The following CMKLR2 variants were observed in gnomAD, a reference collection of about 807,000 sequenced individuals.
CMKLR2 encodes chemerin chemokine-like receptor 2, also known as chemerin-like receptor 2.
A neutral mutation model predicts 23.0 loss-of-function variants in CMKLR2; 18 were observed. The ratio of observed to expected loss-of-function variants is 0.78; its 90% CI spans 0.54 to 1.16. CMKLR2 has a LOEUF of 1.16. Ranked by LOEUF, CMKLR2 falls within the 50% of genes most tolerant of loss-of-function variation. CMKLR2 has a pLI of 0.00. For synonymous variants in CMKLR2, 158 were observed against 158.9 expected (o/e 0.99, Z 0.05); for missense variants, 401 against 412.7 (o/e 0.97, Z 0.25).
At chr2:206,197,470 A>G (rs1688958465) in intron 1 of CMKLR2, among the ~76,000 whole-genome samples, 1 of 152,196 alleles carries the variant, frequency 6.6e-6, no homozygotes, top group Non-Finnish European at 1.5e-5. Flanking sequence ...AAGAAAATTA[A>G]ACAGGGAAAG....
At chr2:206,187,608 T>C (rs1321151989) in intron 1 of CMKLR2, among the ~76,000 whole-genome samples, 1 of 152,212 alleles carries the variant, frequency 6.6e-6, no homozygotes, top group East Asian at 1.9e-4. Flanking sequence ...GTATAATCAA[T>C]CATGTTGTGT....
intron 1 of CMKLR2, among the ~76,000 whole-genome samples, chr2:206,202,884 G>A (rs1218040756): frequency 2.0e-5 from 3 of 151,912 alleles, no homozygotes; most frequent in Non-Finnish European, 2.9e-5. Context: ...CCACTCCAGC[G>A]CGTTTCCTTT....
upstream of CMKLR2, chr2:206,217,788 G>C (rs902637175): frequency 6.6e-6 from 1 of 152,192 alleles, no homozygotes; most frequent in East Asian, 1.9e-4. Flanking sequence ...TGAAGCTTTG[G>C]GGGGCAAAGC....
intron 1 of CMKLR2, among the ~76,000 whole-genome samples, chr2:206,187,299 A>T (rs1280202885): frequency 3.9e-5 from 6 of 152,216 alleles, no homozygotes; most frequent in Non-Finnish European, 4.4e-5. Context: ...AATAAAATAA[A>T]AAAAAGAATG....
chr2:206,213,116 A>C (rs934420894), intron 1 of CMKLR2, among the ~76,000 whole-genome samples, 191 bp downstream of exon 1: 3 of 152,222 alleles, frequency 2.0e-5, no homozygotes, highest in African/African-American at 7.2e-5. Context: ...GATCGTCCCT[A>C]AACACTTTTG....
At chr2:206,180,061 C>T (rs894644121) in intron 1 of CMKLR2, among the ~76,000 whole-genome samples, 10 of 151,998 alleles carry the variant, frequency 6.6e-5, no homozygotes, top group African/African-American at 2.4e-4. Context: ...ATTCAAATGC[C>T]ACCTTTCTTA....
rs772384045 is a variant in CMKLR2, at chr2:206,177,231, T to G, written c.17A>C (p.Glu6Ala). Residue 6 changes from glutamate to alanine, a missense_variant, in exon 2 of 2, where the codon GAA becomes GCA. Physicochemically the swap from Glu to Ala is moderately radical, Grantham distance 107 (BLOSUM62 -1). Transcript: ENST00000621141. Reference sequence around the variant, plus strand: ...GTTTTCAAATTCTTCAAATAATGTTTCCTCCAAATCTTCCATGACCTTGCT... The same window carrying G: ...GTTTTCAAATTCTTCAAATAATGTTGCCTCCAAATCTTCCATGACCTTGCT... MEDLEETLFEEFENYS... is the reference protein window; with the variant it reads MEDLEATLFEEFENYS... 6.3e-7 allele frequency: 1 copy of G among 1,598,600 alleles called. No homozygotes were observed. Among genetic ancestry groups the G allele is most frequent in the South Asian group, 1.1e-5 (1 of 88,966 alleles).
chr2:206,201,242 A>C (rs1357729136), intron 1 of CMKLR2, among the ~76,000 whole-genome samples: 15 of 152,172 alleles, frequency 9.9e-5, no homozygotes, highest in Admixed American at 9.8e-4. Flanking sequence ...CCTGGTCAGC[A>C]TTCACTTGTT....
intron 1 of CMKLR2, among the ~76,000 whole-genome samples, chr2:206,194,319 T>C (rs903336287): frequency 6.6e-6 from 1 of 152,122 alleles, no homozygotes; most frequent in African/African-American, 2.4e-5. Context: ...TAGGAGGAGA[T>C]ACAAAGGAGT....
rs1688213923 is a variant in CMKLR2 at position 206,176,416 on chromosome 2, A to T, written c.832T>A (p.Ser278Thr). 6.2e-7 allele frequency: 1 copy of T among 1,614,076 alleles called. No homozygotes were observed. Among genetic ancestry groups the T allele is most frequent in the African/African-American group, 1.3e-5 (1 of 74,926 alleles). The change falls in exon 2 of 2, where the codon TCC (serine) becomes ACC (threonine). Residue 278 changes from serine (S) to threonine (T), a missense_variant. By Grantham distance (58) the Ser-to-Thr change is moderately conservative (BLOSUM62 1). Coordinates refer to ENST00000621141, the MANE Select transcript of CMKLR2 (RefSeq NM_001389445.1). ...ATTCCAGCCTGCATCACATGGTGGG[A>T]ATAGCTATTGTGGTGAATGGTGAGC... ...WELTIHHNSY[S>T]HHVMQAGIPL...
chr2:206,187,061 T>C lies in CMKLR2; in HGVS notation c.-28-9786A>G, dbSNP rs143868056. The stretch of plus-strand genomic sequence containing the variant: ...ATACATTTTTTTCCAAAAAAGAGAA[T>C]GAAGGCCAGGCCCAGTAGCTCATGC... On this transcript the variant is annotated intron_variant, in intron 1 of 1. Transcript: ENST00000621141. 6.0e-3 allele frequency among the ~76,000 whole-genome samples: 911 copies of C among 152,136 alleles called. 7 individuals are homozygous for C. The highest frequency in any genetic ancestry group is 0.011 in the Non-Finnish European group (733 of 68,006).
At chr2:206,185,365 T>C (rs551984493) in intron 1 of CMKLR2, among the ~76,000 whole-genome samples, 19 of 152,176 alleles carry the variant, frequency 1.2e-4, no homozygotes, top group Admixed American at 1.0e-3. Flanking sequence ...GGTGAGGGAA[T>C]TAGTCGTGGA....
chr2:206,203,613 G>C (rs1480328541), intron 1 of CMKLR2: 1 of 152,288 alleles, frequency 6.6e-6, no homozygotes, highest in Non-Finnish European at 1.5e-5. Flanking sequence ...CACAGACCTT[G>C]TCCCGTGCAT....
Position 206,175,909 on chromosome 2 carries a change from G to A in CMKLR2, c.*271C>T, listed in dbSNP as rs1043726705. The A allele has an allele frequency of 5.7e-5, 18 of 314,048 alleles. No individual in the cohort carries two copies. Among genetic ancestry groups the A allele is most frequent in the African/African-American group, 3.2e-4 (15 of 46,608 alleles). 19.5% of individuals were successfully genotyped at this position (314,048 alleles called of 1,614,324 possible). On this transcript the variant is annotated 3_prime_UTR_variant, in exon 2 of 2. Coordinates refer to ENST00000621141, the MANE Select transcript of CMKLR2 (RefSeq NM_001389445.1). ...CCATGGTATAATTAACAAGAATGATGCATTTCATTTAAGTTGCAGAAAAAA... is the reference window on the plus strand; with the variant it reads ...CCATGGTATAATTAACAAGAATGATACATTTCATTTAAGTTGCAGAAAAAA...
intron 1 of CMKLR2, among the ~76,000 whole-genome samples, chr2:206,205,623 T>G (rs953260359): frequency 6.6e-6 from 1 of 151,654 alleles, no homozygotes; most frequent in Non-Finnish European, 1.5e-5. Context: ...CTTCTTGCCT[T>G]GGCCTCCCAA....
chr2:206,176,221 A>G lies in CMKLR2; in HGVS notation c.1027T>C (p.Ser343Pro), dbSNP rs1365795644. 1 of 1,612,646 alleles carries G rather than the reference A, an allele frequency of 6.2e-7. No individual in the cohort carries two copies. Among genetic ancestry groups the G allele is most frequent in the Admixed American group, 1.7e-5 (1 of 59,654 alleles). Residue 343 changes from serine (S) to proline (P), a missense_variant, in exon 2 of 2, where the codon TCA becomes CCA. Coordinates refer to ENST00000621141, the MANE Select transcript of CMKLR2 (RefSeq NM_001389445.1). ...AGGAGACACAGATTCTTGGTTTCTGAGTTCCTGAGCTGTTCACTCACTGTG... is the reference window on the plus strand; with the variant it reads ...AGGAGACACAGATTCTTGGTTTCTGGGTTCCTGAGCTGTTCACTCACTGTG... ...SGTVSEQLRN[S>P]ETKNLCLLET...
chr2:206,216,900 C>A (rs1175264026), upstream of CMKLR2, among the ~76,000 whole-genome samples: 1 of 152,130 alleles, frequency 6.6e-6, no homozygotes, highest in East Asian at 1.9e-4. Flanking sequence ...CCAACTTGGC[C>A]TTTCATCTTT....
intron 1 of CMKLR2, among the ~76,000 whole-genome samples, chr2:206,190,311 GT>G (rs1165785435): frequency 6.6e-6 from 1 of 152,200 alleles, no homozygotes; most frequent in Non-Finnish European, 1.5e-5. Context: ...ATGCTTAAGG[GT>G]TTGGATTTTA....
upstream of CMKLR2, among the ~76,000 whole-genome samples, chr2:206,216,717 T>C (rs1197453627): frequency 6.6e-6 from 1 of 152,202 alleles, no homozygotes; most frequent in Admixed American, 6.5e-5. Flanking sequence ...ATAGCATTTC[T>C]CCACTAATGC....
Sources: gnomAD v4.1 joint callset for allele counts (sites outside exome capture counted in the v4.1 genomes callset) on GRCh38, gnomAD v4.1.1 for gene constraint, MANE v1.5 for transcripts, NCBI Gene and HGNC (gene_info 2026-07-23, HGNC 2026-07-21) for gene names.